Variants in TENM2 observed in about 807,000 individuals in gnomAD.
TENM2 encodes teneurin-2.
In TENM2, 52 loss-of-function variants were observed where a neutral mutation model predicts 245.2. The ratio of observed to expected loss-of-function variants is 0.21; its 90% confidence interval spans 0.17 to 0.27. The LOEUF (loss-of-function observed/expected upper bound fraction) is 0.27, where lower values mean the gene tolerates loss of function less well. Among genes scored for constraint, TENM2 ranks in the 10% least tolerant of loss-of-function variants. The pLI, the probability that TENM2 is intolerant of heterozygous loss-of-function variation, is 1.00. For missense variants in TENM2, 3,046 were observed against 3,666.8 expected (o/e 0.83, Z 4.37); for synonymous variants, 1,363 against 1,438.9 (o/e 0.95, Z 1.19).
At chr5:167,388,398 CT>C (rs1761567889) in intron 2 of TENM2, among the ~76,000 whole-genome samples, 1 of 152,016 alleles carries the variant, frequency 6.6e-6, no homozygotes, top group African/African-American at 2.4e-5. Context: ...GATTTTCTCT[CT>C]TTCTTTAGTT....
chr5:168,041,010 C>T (rs187088342), intron 5 of TENM2, among the ~76,000 whole-genome samples: 1 of 152,300 alleles, frequency 6.6e-6, no homozygotes, highest in Non-Finnish European at 1.5e-5. Flanking sequence ...ATGAGTGAGC[C>T]TTGACAATAT....
rs182716122 is a variant in TENM2, at chr5:168,084,252, G to T, written c.1516-6322G>T. On this transcript the variant is annotated intron_variant, in intron 7 of 28. Coordinates refer to ENST00000518659, the Ensembl canonical transcript of TENM2. ...ATGTGTCATTTTGGTAGAAGGATTT[G>T]TTTTCTTTTGGATATATATCCAGTA... 1.6e-4 allele frequency among the ~76,000 whole-genome samples: 24 copies of T among 152,286 alleles called. 1 individual carries two copies. The East Asian group carries it at 4.6e-3, about 29-fold the overall frequency.
chr5:167,906,866 T>C (rs1561920178), intron 3 of TENM2, among the ~76,000 whole-genome samples: 1 of 152,098 alleles, frequency 6.6e-6, no homozygotes, highest in Non-Finnish European at 1.5e-5. Context: ...GGAGCAGATA[T>C]TTTTGAGACC....
chr5:167,908,121 A>G (rs1161128348), intron 3 of TENM2, among the ~76,000 whole-genome samples: 1 of 152,048 alleles, frequency 6.6e-6, no homozygotes, highest in African/African-American at 2.4e-5. Flanking sequence ...CAGATTTAAT[A>G]CTTCTGGCCA....
chr5:167,942,330 ACT>A (rs1779252338), intron 3 of TENM2, among the ~76,000 whole-genome samples: 1 of 152,130 alleles, frequency 6.6e-6, no homozygotes, highest in African/African-American at 2.4e-5. Flanking sequence ...ATCTCATTTA[ACT>A]CTCTTTACCA....
intron 4 of TENM2, among the ~76,000 whole-genome samples, chr5:167,991,798 G>C (rs939814570): frequency 2.0e-5 from 3 of 152,198 alleles, no homozygotes; most frequent in Non-Finnish European, 2.9e-5. Context: ...GGTGAAAACG[G>C]AACAAGGGTC....
intron 4 of TENM2, among the ~76,000 whole-genome samples, chr5:167,972,613 A>G (rs1781873245): frequency 6.6e-6 from 1 of 152,228 alleles, no homozygotes; most frequent in African/African-American, 2.4e-5. Flanking sequence ...AAGGGTATGT[A>G]TAATGTGCAT....
At chr5:167,051,079 A>G in the TENM2 span, among the ~76,000 whole-genome samples, 1 of 152,050 alleles carries the variant, frequency 6.6e-6, no homozygotes, top group Admixed American at 6.6e-5. Flanking sequence ...TCCACATGGC[A>G]TATTTTTTCC....
chr5:167,329,389 CAA>C (rs34894963), intron 1 of TENM2, among the ~76,000 whole-genome samples: 3 of 129,656 alleles, frequency 2.3e-5, no homozygotes, highest in African/African-American at 2.9e-5. Context: ...ACTAAAAATA[CAA>C]AAAAAAAAAA....
At chr5:167,373,237 CAT>C (rs1760546070) in intron 1 of TENM2, among the ~76,000 whole-genome samples, 1 of 152,178 alleles carries the variant, frequency 6.6e-6, no homozygotes, top group African/African-American at 2.4e-5. Context: ...AATAAAAAGA[CAT>C]ATGTCTATTA....
chr5:168,200,208 G>A (rs1382961718), intron 17 of TENM2, 77 bp downstream of exon 19: 8 of 1,352,202 alleles, frequency 5.9e-6, no homozygotes, highest in African/African-American at 1.4e-5. Flanking sequence ...ATTGAGTTCC[G>A]AGGATATGCC....
intron 9 of TENM2, among the ~76,000 whole-genome samples, chr5:168,098,616 C>G (rs1793557349): frequency 6.6e-6 from 1 of 152,016 alleles, no homozygotes; most frequent in African/African-American, 2.4e-5. Context: ...CCCTGAGATT[C>G]TTGGGGGAAA....
the TENM2 span, among the ~76,000 whole-genome samples, chr5:167,174,621 A>G: frequency 1.3e-5 from 2 of 152,164 alleles, no homozygotes; most frequent in African/African-American, 4.8e-5. Flanking sequence ...GAACACTTCA[A>G]TCAAGCAAAT....
intron 5 of TENM2, among the ~76,000 whole-genome samples, chr5:168,010,864 G>A (rs796741263): frequency 6.6e-6 from 1 of 152,208 alleles, no homozygotes; most frequent in Non-Finnish European, 1.5e-5. Context: ...ATTTGGGGGC[G>A]TTATTAAAAA....
chr5:167,668,039 C>T (rs930540726), intron 2 of TENM2, among the ~76,000 whole-genome samples: 2 of 152,004 alleles, frequency 1.3e-5, no homozygotes, highest in African/African-American at 4.8e-5. Flanking sequence ...TTTCATTGGC[C>T]CTTGATGGCA....
chr5:167,248,710 G>A, the TENM2 span, among the ~76,000 whole-genome samples: 1 of 151,960 alleles, frequency 6.6e-6, no homozygotes, highest in African/African-American at 2.4e-5. Context: ...CCCATAGAGT[G>A]ATCAAATACA....
chr5:167,519,583 T>G (rs1770620465), intron 2 of TENM2, among the ~76,000 whole-genome samples: 1 of 152,148 alleles, frequency 6.6e-6, no homozygotes, highest in East Asian at 1.9e-4. Flanking sequence ...TGGTTATACC[T>G]GTATTACTTT....
intron 7 of TENM2, among the ~76,000 whole-genome samples, chr5:168,083,183 T>G (rs1792152763): frequency 6.6e-6 from 1 of 152,176 alleles, no homozygotes; most frequent in South Asian, 2.1e-4. Flanking sequence ...CGCTGCCACC[T>G]TGCTGTTGGA....
chr5:167,182,546 G>C, the TENM2 span, among the ~76,000 whole-genome samples: 3 of 151,984 alleles, frequency 2.0e-5, no homozygotes, highest in Admixed American at 6.6e-5. Context: ...AACATTTTAT[G>C]TTCTTTATTG....
Sources: allele counts gnomAD v4.1 joint callset (sites outside exome capture counted in the v4.1 genomes callset), GRCh38; gene constraint gnomAD v4.1.1; transcripts MANE v1.5; gene names NCBI Gene and HGNC (gene_info 2026-07-23, HGNC 2026-07-21).